Variants in POLB observed in about 807,000 individuals in gnomAD.
The protein encoded by POLB is DNA polymerase beta.
Under a neutral mutation model 52.7 loss-of-function variants are expected in POLB, and 37 were observed. The ratio of observed to expected loss-of-function variants is 0.70; its 90% CI spans 0.54 to 0.92. POLB has a LOEUF of 0.92. Ranked by LOEUF, POLB falls within the 40% of genes least tolerant of loss-of-function variation. The pLI, the probability that POLB is intolerant of heterozygous loss-of-function variation, is 0.00. For synonymous variants in POLB, 138 were observed against 131.3 expected, an observed-to-expected ratio of 1.05 and a Z score of -0.35; for missense variants, 313 against 400.8, an observed-to-expected ratio of 0.78 and a Z score of 1.87.
At chr8:42,361,062 G>A (rs1368230782) in intron 9 of POLB, 3 of 666,628 alleles carry the variant, frequency 4.5e-6, no homozygotes, top group Non-Finnish European at 8.3e-6. Flanking sequence ...TGTATGCAAT[G>A]TATATCTAAT....
chr8:42,339,192 A>C, intron 2 of POLB, 123 bp downstream of exon 2: 1 of 775,658 alleles, frequency 1.3e-6, no homozygotes, highest in East Asian at 2.5e-5. Flanking sequence ...AAAAGCAAGA[A>C]TCGAGGCTGG....
intron 2 of POLB, chr8:42,342,441 AG>A: frequency 1.5e-6 from 2 of 1,366,710 alleles, no homozygotes; most frequent in South Asian, 2.3e-5. Flanking sequence ...TACGGGCATA[AG>A]CAATCTGACA....
In POLB at chr8:42,341,365, C is replaced by G. The variant is rs571516581; in HGVS notation, c.119+2296C>G. 2.0e-5 allele frequency among the ~76,000 whole-genome samples: 3 copies of G among 152,316 alleles called. No individual in the cohort carries two copies. The East Asian group carries it at 5.8e-4, about 29-fold the overall frequency. On this transcript the variant is annotated intron_variant, in intron 2 of 13. Transcript: ENST00000265421. ...GATCCCCTCCATAAACTGTGTTTGC[C>G]TGCTCCTTTACTTATAAATATGTCT...
At position 42,338,760 on chromosome 8, in the gene POLB, A is replaced by G. The variant is rs187492041; in HGVS notation, c.61+75A>G. On this transcript the variant is annotated intron_variant, in intron 1 of 13. Coordinates refer to ENST00000265421, the MANE Select transcript of POLB (RefSeq NM_002690.3). ...TTCCCCTGCCTTCCTTCTCTCCCACACCGACAGTCCAGTGGGTAGGGTAGG... is the reference window on the plus strand; with the variant it reads ...TTCCCCTGCCTTCCTTCTCTCCCACGCCGACAGTCCAGTGGGTAGGGTAGG... The G allele has an allele frequency of 7.2e-4, 1,010 of 1,396,732 alleles. 7 individuals carry two copies. The South Asian group carries it at 8.8e-3, about 12-fold the overall frequency. The allele number at this position is 1,396,732 out of a possible 1,614,324, so 86.5% of individuals were successfully genotyped here.
chr8:42,369,289 A>G lies in POLB; in HGVS notation c.727A>G (p.Ser243Gly). ...ATTTTAGGGTGTTTGCCAGCTTCCCAGTAAAAATGATGAAAAAGAATATCC... is the reference window on the plus strand; with the variant it reads ...ATTTTAGGGTGTTTGCCAGCTTCCCGGTAAAAATGATGAAAAAGAATATCC... ...TKFMGVCQLP[S>G]KNDEKEYPHR... Residue 243 changes from serine to glycine, a missense_variant, in exon 12 of 14, where the codon AGT (serine) becomes GGT (glycine). Transcript: ENST00000265421. 6.3e-7 allele frequency: 1 copy of G among 1,586,454 alleles called. No individual in the cohort carries two copies. Among genetic ancestry groups the G allele is most frequent in the Middle Eastern group, 1.7e-4 (1 of 6,008 alleles).
At chr8:42,347,448 A>G (rs1822704166) in intron 3 of POLB, among the ~76,000 whole-genome samples, 1 of 151,088 alleles carries the variant, frequency 6.6e-6, no homozygotes, top group Admixed American at 6.6e-5. Flanking sequence ...TCTAGAAATT[A>G]TTCTAGATTA....
chr8:42,360,427 T>C (rs1823603481), intron 9 of POLB, among the ~76,000 whole-genome samples: 1 of 152,214 alleles, frequency 6.6e-6, no homozygotes, highest in South Asian at 2.1e-4. Flanking sequence ...AGGAGATAGA[T>C]TGGATTCTTT....
chr8:42,360,186 A>G (rs193215199), intron 9 of POLB, among the ~76,000 whole-genome samples: 1 of 151,054 alleles, frequency 6.6e-6, no homozygotes, highest in Admixed American at 6.6e-5. Flanking sequence ...TGACCTCCTG[A>G]CCTCAAGTGA....
At chr8:42,368,461 T>G (rs1004282182) in intron 11 of POLB, among the ~76,000 whole-genome samples, 2 of 152,248 alleles carry the variant, frequency 1.3e-5, no homozygotes, top group African/African-American at 4.8e-5. Flanking sequence ...GACCAGAAGC[T>G]TGTCACTTGT....
At chr8:42,348,870 C>G (rs1333041631) in intron 3 of POLB, 146 bp from the exon 4 acceptor site, 2 of 498,624 alleles carry the variant, frequency 4.0e-6, no homozygotes, top group Non-Finnish European at 7.2e-6. Context: ...TTTATTTTCA[C>G]TGGGGTTCAA....
At chr8:42,346,318 T>G (rs1822609615) in intron 3 of POLB, among the ~76,000 whole-genome samples, 1 of 152,166 alleles carries the variant, frequency 6.6e-6, no homozygotes, top group South Asian at 2.1e-4. Context: ...AATTTAAGAA[T>G]TAATATTTGA....
intron 2 of POLB, chr8:42,339,981 C>G (rs1297785986): frequency 1.3e-5 from 2 of 152,164 alleles, no homozygotes. Context: ...TATGGTGAAT[C>G]TTCTTGAAAA....
rs759381994 is a variant in POLB at position 42,360,580 on chromosome 8, GAAA to G, written c.551-709_551-707del. On this transcript the variant is annotated intron_variant, in intron 9 of 13. Coordinates refer to ENST00000265421, the MANE Select transcript of POLB (RefSeq NM_002690.3). ...ATGAAGAGTCCTCACTTGCAACACTGAAAAAAAAGTAAAATGAAAAAATTCCAT... is the reference window on the plus strand; with the variant it reads ...ATGAAGAGTCCTCACTTGCAACACTGAAAAAGTAAAATGAAAAAATTCCAT... Among the ~76,000 whole-genome samples the G allele has an allele frequency of 2.2e-4, 34 of 151,554 alleles. 1 individual carries two copies. Among genetic ancestry groups the G allele is most frequent in the South Asian group, 2.1e-3 (10 of 4,804 alleles).
chr8:42,365,737 TC>T (rs1334350736), intron 11 of POLB, among the ~76,000 whole-genome samples: 4 of 152,164 alleles, frequency 2.6e-5, no homozygotes, highest in African/African-American at 9.7e-5. Flanking sequence ...TTAATGGTGT[TC>T]TGCTGTGCTC....
At position 42,338,589 on chromosome 8, in the gene POLB, T is replaced by C. The variant is rs1056486121; in HGVS notation, c.-36T>C. ...GCTGGGAGAGGGCTCTAGTCCCTGG[T>C]TCTGAACACTCTGGGGTTCTCGGGT... On this transcript the variant is annotated 5_prime_UTR_variant, in exon 1 of 14. Transcript: ENST00000265421. 20 of 1,601,088 alleles carry C rather than the reference T, an allele frequency of 1.2e-5. No homozygotes were observed. The highest frequency in any genetic ancestry group is 1.7e-5 in the Non-Finnish European group (20 of 1,168,180).
At chr8:42,349,363 A>T in intron 4 of POLB, 1 of 262,586 alleles carries the variant, frequency 3.8e-6, no homozygotes, top group South Asian at 1.2e-4. Flanking sequence ...TGACTGAAAG[A>T]TCGTTATCTT....
rs566752172 is a variant in POLB, at chr8:42,354,236, G to A, written c.371-1280G>A. On this transcript the variant is annotated intron_variant, in intron 6 of 13. Coordinates refer to ENST00000265421, the MANE Select transcript of POLB (RefSeq NM_002690.3). ...TATTTCCACTTCTTCAGTTTTAGTC[G>A]TATACTTTAGCGTTTTCTGTGTGCA... 1.7e-4 allele frequency among the ~76,000 whole-genome samples: 26 copies of A among 152,192 alleles called. No homozygotes were observed. In the East Asian group the frequency reaches 1.9e-3, roughly 11 times the overall value.
At chr8:42,338,969 T>C in intron 1 of POLB, 43 bp from the exon 2 acceptor site, 3 of 1,540,074 alleles carry the variant, frequency 1.9e-6, no homozygotes, top group Non-Finnish European at 2.7e-6. Flanking sequence ...CTCGTTTGTT[T>C]ACTCGTGGTT....
At chr8:42,370,031 GAGA>G (rs778679142) in intron 13 of POLB, 43 bp downstream of exon 13, 67 of 1,505,444 alleles carry the variant, frequency 4.5e-5, no homozygotes, top group Non-Finnish European at 5.9e-5. Flanking sequence ...CTCATCTGGA[GAGA>G]AGGTTATTTT....
Sources: gnomAD v4.1 joint callset for allele counts (sites outside exome capture counted in the v4.1 genomes callset) on GRCh38, gnomAD v4.1.1 for gene constraint, MANE v1.5 for transcripts, NCBI Gene and HGNC (gene_info 2026-07-23, HGNC 2026-07-21) for gene names.